Variants in MTMR11 observed in about 807,000 individuals in gnomAD.
MTMR11 encodes the protein myotubularin related protein 11, also known as myotubularin-related protein 11.
A neutral mutation model predicts 100.0 loss-of-function variants in MTMR11; 89 were observed. That is an observed-to-expected ratio of 0.89 (90% confidence interval 0.75 to 1.06). The LOEUF (loss-of-function observed/expected upper bound fraction) is 1.06, where lower values mean the gene tolerates loss of function less well. Among genes scored for constraint, MTMR11 ranks in the 50% least tolerant of loss-of-function variants. The probability of loss-of-function intolerance (pLI) is 0.00; values close to 1 mark genes in which losing one functional copy is unlikely to be tolerated. For synonymous variants in MTMR11, 336 were observed against 326.3 expected (o/e 1.03, Z -0.32); for missense variants, 809 against 873.7 (o/e 0.93, Z 0.93).
At position 149,929,005 on chromosome 1, in the gene MTMR11, G is replaced by C. The variant is rs1301841766; in HGVS notation, c.*124C>G. Reference sequence around the variant, plus strand: ...ACTAAGCAAGACAAGAGTTGGAGCAGTTAACACCACTATCTGCAGCAGAAA... The same window carrying C: ...ACTAAGCAAGACAAGAGTTGGAGCACTTAACACCACTATCTGCAGCAGAAA... On this transcript the variant is annotated 3_prime_UTR_variant, in exon 17 of 17. Transcript: ENST00000439741. 3 of 1,605,570 alleles carry C rather than the reference G, an allele frequency of 1.9e-6. No individual in the cohort carries two copies. Among genetic ancestry groups the C allele is most frequent in the Non-Finnish European group, 2.6e-6 (3 of 1,175,316 alleles).
rs1392116307 is a variant in MTMR11, at chr1:149,933,939, G to A, written c.687C>T (p.Leu229=). 6.2e-7 allele frequency: 1 copy of A among 1,613,758 alleles called. No individual in the cohort carries two copies. The highest frequency in any genetic ancestry group is 8.5e-7 in the Non-Finnish European group (1 of 1,179,610). The change falls in exon 8 of 17, where the codon CTC becomes CTT. Residue 229 remains leucine, a synonymous_variant. Coordinates refer to ENST00000439741, the MANE Select transcript of MTMR11 (RefSeq NM_001145862.2). The part of the protein sequence containing the change: ...VNERFDVATS[L]PRYFWVPNRI... ...GGTTAGGGACCCAGAAGTAACGGGG[G>A]AGGCTGTGAAATGAGAGTGATATTA...
intron 13 of MTMR11, 130 bp from the exon 14 acceptor site, chr1:149,931,095 G>A: frequency 7.5e-7 from 1 of 1,338,936 alleles, no homozygotes; most frequent in Non-Finnish European, 1.0e-6. Flanking sequence ...AATCTGAATT[G>A]AGGGTAGCAG....
intron 5 of MTMR11, 124 bp downstream of exon 5, chr1:149,934,862 T>C: frequency 8.1e-7 from 1 of 1,236,296 alleles, no homozygotes; most frequent in Non-Finnish European, 1.1e-6. Context: ...TTTTAGCCTT[T>C]CCTTGAGAGA....
Position 149,928,855 on chromosome 1 carries a change from T to C in MTMR11, c.*274A>G. On this transcript the variant is annotated 3_prime_UTR_variant, in exon 17 of 17. Transcript: ENST00000439741. Reference sequence around the variant, plus strand: ...TGTTGGGACTGATGAACAGCATCTCTGATCTCATGATTTAACATCTGGTTA... The same window carrying C: ...TGTTGGGACTGATGAACAGCATCTCCGATCTCATGATTTAACATCTGGTTA... The C allele has an allele frequency of 2.5e-6, 4 of 1,610,916 alleles. No homozygotes were observed. The highest frequency in any genetic ancestry group is 3.4e-6 in the Non-Finnish European group (4 of 1,177,056).
intron 15 of MTMR11, 61 bp from the exon 16 acceptor site, chr1:149,929,977 C>G (rs1335714606): frequency 6.5e-7 from 1 of 1,535,312 alleles, no homozygotes; most frequent in Non-Finnish European, 8.8e-7. Context: ...TTTCCCCAAT[C>G]TGGATCAGGA....
chr1:149,932,173 G>A, intron 11 of MTMR11, 91 bp downstream of exon 11: 1 of 1,438,218 alleles, frequency 7.0e-7, no homozygotes, highest in Non-Finnish European at 9.8e-7. Context: ...CCGAGGAGAA[G>A]AACTAAAGAA....
intron 11 of MTMR11, 21 bp downstream of exon 11, chr1:149,932,225 TTGAATTATAAATGATGGC>T: frequency 6.3e-7 from 1 of 1,597,646 alleles, no homozygotes; most frequent in Non-Finnish European, 8.6e-7. Context: ...TTGAGGAAGG[TTGAATTATAAATGATGGC>T]TAGAAGAAGC....
intron 16 of MTMR11, 40 bp from the exon 17 acceptor site, chr1:149,929,357 G>A (rs1553766846): frequency 2.6e-6 from 4 of 1,546,298 alleles, no homozygotes; most frequent in South Asian, 1.1e-5. Flanking sequence ...GAATACTGTT[G>A]TAGCTCTGGC....
intron 2 of MTMR11, 133 bp downstream of exon 2, chr1:149,936,021 G>C: frequency 9.2e-6 from 9 of 978,842 alleles, no homozygotes; most frequent in Non-Finnish European, 1.5e-5. Context: ...GGCTGTCAGG[G>C]AGGACAGCGA....
rs16836857 is a variant in MTMR11 at position 149,930,420 on chromosome 1, T to G, written c.1592A>C (p.Gln531Pro). 3.7e-3 allele frequency: 6,017 copies of G among 1,614,038 alleles called. 138 individuals are homozygous for G. In the African/African-American group the frequency reaches 0.06, roughly 16 times the overall value. The change falls in exon 15 of 17, where the codon CAG becomes CCG. Residue 531 changes from glutamine (Q) to proline (P), a missense_variant. By Grantham distance (76) the Gln-to-Pro change is moderately conservative. Coordinates refer to ENST00000439741, the MANE Select transcript of MTMR11 (RefSeq NM_001145862.2). The part of the protein sequence containing the change: ...RYSNAQILQF[Q>P]NPGYDPEHCP... ...GTGTTCTGGGTCATAGCCAGGATTCTGGAATTGTAGTATCTGTGCATTGCT... is the reference window on the plus strand; with the variant it reads ...GTGTTCTGGGTCATAGCCAGGATTCGGGAATTGTAGTATCTGTGCATTGCT...
At chr1:149,933,236 G>C (rs587609129) in intron 10 of MTMR11, among the ~76,000 whole-genome samples, 170 bp downstream of exon 10, 2 of 151,948 alleles carry the variant, frequency 1.3e-5, no homozygotes, top group African/African-American at 2.4e-5. Flanking sequence ...GATTACAAGC[G>C]TGAGCCACCA....
chr1:149,930,257 A>T, intron 15 of MTMR11, 108 bp downstream of exon 15: 1 of 1,157,672 alleles, frequency 8.6e-7, no homozygotes, highest in Non-Finnish European at 1.2e-6. Flanking sequence ...AGAGTAGTGG[A>T]GTAGCTTTCC....
At chr1:149,934,638 G>A (rs1553768615) in intron 5 of MTMR11, 112 bp from the exon 6 acceptor site, 1 of 1,172,654 alleles carries the variant, frequency 8.5e-7, no homozygotes, top group Non-Finnish European at 1.2e-6. Flanking sequence ...GAAGAACAGT[G>A]AAGACAGTCC....
chr1:149,936,339 A>G, intron 1 of MTMR11, 110 bp from the exon 2 acceptor site: 4 of 1,527,344 alleles, frequency 2.6e-6, no homozygotes, highest in Non-Finnish European at 3.5e-6. Context: ...GGAAACTGAG[A>G]TCAGTGTCTG....
At position 149,930,932 on chromosome 1, in the gene MTMR11, A is replaced by G. The variant is rs2092650617; in HGVS notation, c.1324T>C (p.Trp442Arg). Residue 442 changes from tryptophan to arginine, a missense_variant, in exon 14 of 17, where the codon TGG (tryptophan) becomes CGG (arginine). Physicochemically the swap from Trp to Arg is moderately radical, Grantham distance 101 (BLOSUM62 -3). Transcript: ENST00000439741. ...PVFLLFLDCV[W>R]QLLQQFPADF... ...GCTGGAAACTGCTGGAGGAGCTGCC[A>G]GACACAATCAAGGAAGAGGAGAAAC... The G allele has an allele frequency of 1.2e-6, 2 of 1,610,442 alleles. No individual in the cohort carries two copies. Among genetic ancestry groups the G allele is most frequent in the Non-Finnish European group, 8.5e-7 (1 of 1,178,990 alleles).
In MTMR11 at chr1:149,929,421, A is replaced by G. The variant is rs1307387503; in HGVS notation, c.1942-104T>C. On this transcript the variant is annotated intron_variant, in intron 16 of 16. Transcript: ENST00000439741. ...TTTAATTCTGTTTCCCCTTTCAGCT[A>G]TGCCCTAAATTCCACTTAATCTAAG... 8.0e-6 allele frequency: 10 copies of G among 1,255,694 alleles called. No individual in the cohort carries two copies. In the Admixed American group the frequency reaches 8.4e-5, roughly 11 times the overall value. 77.8% of individuals were successfully genotyped at this position (1,255,694 alleles called of 1,614,324 possible).
intron 12 of MTMR11, 141 bp downstream of exon 12, chr1:149,931,802 GA>G: frequency 1.4e-6 from 1 of 717,758 alleles, no homozygotes; most frequent in Non-Finnish European, 2.4e-6. Flanking sequence ...AGGTAGCACT[GA>G]AGGATGAGAG....
chr1:149,931,898 A>G (rs782083318), intron 12 of MTMR11, 46 bp downstream of exon 12: 6 of 1,536,772 alleles, frequency 3.9e-6, no homozygotes, highest in Non-Finnish European at 5.4e-6. Flanking sequence ...TCAGGTGGGT[A>G]AAGAAAAGAG....
rs200276557 is a variant in MTMR11, at chr1:149,930,350, G to C, written c.1647+15C>G. The C allele has an allele frequency of 1.2e-6, 2 of 1,608,254 alleles. No individual in the cohort carries two copies. The highest frequency in any genetic ancestry group is 4.5e-5 in the East Asian group (2 of 44,806). On this transcript the variant is annotated intron_variant, in intron 15 of 16. Transcript: ENST00000439741. ...TGGGAACGTCAAGGGAATTTAGGAAGTTTAGACACTTCACCTGTGGTCTAG... is the reference window on the plus strand; with the variant it reads ...TGGGAACGTCAAGGGAATTTAGGAACTTTAGACACTTCACCTGTGGTCTAG...
Sources: gnomAD v4.1 joint callset for allele counts (sites outside exome capture counted in the v4.1 genomes callset) on GRCh38, gnomAD v4.1.1 for gene constraint, MANE v1.5 for transcripts, NCBI Gene and HGNC (gene_info 2026-07-23, HGNC 2026-07-21) for gene names.